The following ADAM10 variants were observed in gnomAD, a reference collection of about 807,000 sequenced individuals.
ADAM10 encodes ADAM metallopeptidase domain 10, also known as disintegrin and metalloproteinase domain-containing protein 10.
In ADAM10, 17 loss-of-function variants were observed where a neutral mutation model predicts 90.1. That is an observed-to-expected ratio of 0.19 (90% CI 0.13 to 0.28). The LOEUF (loss-of-function observed/expected upper bound fraction) is 0.28. Among genes scored for constraint, ADAM10 ranks in the 10% least tolerant of loss-of-function variants. The pLI is 1.00. For missense variants in ADAM10, 610 were observed against 914.3 expected (o/e 0.67, Z 4.29); for synonymous variants, 310 against 298.6 (o/e 1.04, Z -0.40).
At chr15:58,722,399 A>G (rs1380273036) in intron 1 of ADAM10, among the ~76,000 whole-genome samples, 1 of 151,724 alleles carries the variant, frequency 6.6e-6, no homozygotes, top group Non-Finnish European at 1.5e-5. Flanking sequence ...ACTAGCCAGG[A>G]ATGATGGCAT....
At chr15:58,658,451 C>A (rs1896885661) in intron 5 of ADAM10, among the ~76,000 whole-genome samples, 2 of 152,050 alleles carry the variant, frequency 1.3e-5, no homozygotes, top group African/African-American at 4.8e-5. Flanking sequence ...CATCCTTGTT[C>A]TTTTTTGAAA....
Position 58,640,857 on chromosome 15 carries a change from T to C in ADAM10, c.932A>G (p.Asp311Gly). 1.9e-6 allele frequency: 3 copies of C among 1,614,148 alleles called. No homozygotes were observed. The highest frequency in any genetic ancestry group is 2.5e-6 in the Non-Finnish European group (3 of 1,180,004). ...TGTGAAGACATAGGCCAAACAGTAGTCATCATGATTCTGCTCAGAATTCAA... is the reference window on the plus strand; with the variant it reads ...TGTGAAGACATAGGCCAAACAGTAGCCATCATGATTCTGCTCAGAATTCAA... ...LELNSEQNHD[D>G]YCLAYVFTDR... The change falls in exon 8 of 16, where the codon GAC (aspartate) becomes GGC (glycine). Residue 311 changes from aspartate (D) to glycine (G), a missense_variant. This residue lies in a region of ADAM10 where 97 missense variants were observed against 221.4 expected (regional missense o/e 0.44). Transcript: ENST00000260408.
chr15:58,621,756 C>A (rs866406683), intron 10 of ADAM10, 135 bp from the exon 11 acceptor site: 2 of 1,125,748 alleles, frequency 1.8e-6, no homozygotes, highest in Middle Eastern at 4.5e-4. Context: ...AACTAGGAAT[C>A]TGGAAATTAC....
intron 14 of ADAM10, among the ~76,000 whole-genome samples, chr15:58,601,936 C>G (rs191066052): frequency 6.6e-6 from 1 of 152,202 alleles, no homozygotes; most frequent in Admixed American, 6.5e-5. Flanking sequence ...TGCATCCTAT[C>G]AAGTAACACG....
intron 1 of ADAM10, among the ~76,000 whole-genome samples, chr15:58,729,319 T>C (rs1318244528): frequency 6.6e-6 from 1 of 152,256 alleles, no homozygotes; most frequent in Non-Finnish European, 1.5e-5. Context: ...TAAGTCTTTA[T>C]CCAATTAAAT....
intron 15 of ADAM10, among the ~76,000 whole-genome samples, chr15:58,598,439 T>C (rs562044215): frequency 3.9e-4 from 60 of 152,266 alleles, no homozygotes; most frequent in African/African-American, 1.4e-3. Flanking sequence ...TTCCTCTAAC[T>C]CTCACTAAGA....
chr15:58,722,466 T>C (rs575499611), intron 1 of ADAM10, among the ~76,000 whole-genome samples: 14 of 149,690 alleles, frequency 9.4e-5, no homozygotes, highest in African/African-American at 3.4e-4. Context: ...ATCCCAAGAG[T>C]TCAAGGCCAC....
intron 2 of ADAM10, among the ~76,000 whole-genome samples, chr15:58,689,733 C>A (rs184659209): frequency 2.0e-5 from 3 of 151,786 alleles, no homozygotes; most frequent in Non-Finnish European, 2.9e-5. Flanking sequence ...TTAAAAGGTA[C>A]AAATTATGAA....
chr15:58,747,265 A>T (rs940399107), intron 1 of ADAM10: 4 of 152,232 alleles, frequency 2.6e-5, no homozygotes, highest in African/African-American at 9.6e-5. Flanking sequence ...GATTCTAAAC[A>T]CTTTAATTAT....
intron 2 of ADAM10, among the ~76,000 whole-genome samples, chr15:58,700,971 C>T (rs35633355): frequency 1.6e-4 from 23 of 143,110 alleles, no homozygotes; most frequent in Non-Finnish European, 3.0e-4. Flanking sequence ...TGCCACTGCA[C>T]TCCAACCTGG....
chr15:58,683,774 T>C (rs1238282811), intron 2 of ADAM10, among the ~76,000 whole-genome samples: 1 of 146,550 alleles, frequency 6.8e-6, no homozygotes, highest in Non-Finnish European at 1.5e-5. Flanking sequence ...GTAAGAGAAC[T>C]GCTTGAATCT....
At chr15:58,636,068 G>A (rs1896241782) in intron 8 of ADAM10, among the ~76,000 whole-genome samples, 1 of 152,160 alleles carries the variant, frequency 6.6e-6, no homozygotes, top group South Asian at 2.1e-4. Context: ...CCTGAGATCA[G>A]GAGTTGGAGA....
rs202043306 is a variant in ADAM10 at position 58,596,466 on chromosome 15, T to C, written c.*1081A>G. The C allele has an allele frequency of 6.6e-6, 1 of 152,648 alleles. No homozygotes were observed. The highest frequency in any genetic ancestry group is 2.4e-5 in the African/African-American group (1 of 41,464). The allele number at this position is 152,648 out of a possible 1,614,324, so 9.5% of individuals were successfully genotyped here. A position where few individuals can be genotyped will look rare whatever the true frequency, so the allele number is the denominator to read the frequency against. The stretch of plus-strand genomic sequence containing the variant: ...CTACTACTTAAGCAAATTACTCATC[T>C]TTAGTGGTTACCAATGATCAGTGAT... On this transcript the variant is annotated 3_prime_UTR_variant, in exon 16 of 16. Coordinates refer to ENST00000260408, the MANE Select transcript of ADAM10 (RefSeq NM_001110.4).
intron 2 of ADAM10, among the ~76,000 whole-genome samples, chr15:58,702,081 G>C (rs1282913213): frequency 1.3e-5 from 2 of 152,050 alleles, no homozygotes; most frequent in Non-Finnish European, 2.9e-5. Flanking sequence ...ACTCCAGACT[G>C]GGCAACAGAG....
At chr15:58,625,465 C>T (rs1475495469) in intron 10 of ADAM10, among the ~76,000 whole-genome samples, 3 of 152,104 alleles carry the variant, frequency 2.0e-5, no homozygotes, top group Non-Finnish European at 2.9e-5. Context: ...TATCACAGCA[C>T]GCCCATCAGA....
intron 1 of ADAM10, among the ~76,000 whole-genome samples, chr15:58,728,624 G>A (rs974694925): frequency 6.6e-6 from 1 of 151,852 alleles, no homozygotes; most frequent in Non-Finnish European, 1.5e-5. Context: ...CAGCAAAGTG[G>A]TAGGTATATG....
At chr15:58,601,895 G>C (rs1477020164) in intron 14 of ADAM10, among the ~76,000 whole-genome samples, 1 of 152,068 alleles carries the variant, frequency 6.6e-6, no homozygotes, top group African/African-American at 2.4e-5. Flanking sequence ...ACACATCTTT[G>C]GTAAGAATAT....
chr15:58,646,281 TA>T (rs1383839952), intron 5 of ADAM10, 77 bp from the exon 6 acceptor site: 1 of 1,413,008 alleles, frequency 7.1e-7, no homozygotes, highest in African/African-American at 1.4e-5. Flanking sequence ...ATACATACTA[TA>T]AACAATTTCA....
intron 2 of ADAM10, among the ~76,000 whole-genome samples, chr15:58,710,072 G>A (rs959730111): frequency 6.6e-6 from 1 of 152,102 alleles, no homozygotes; most frequent in Non-Finnish European, 1.5e-5. Context: ...CATGTTAGGA[G>A]ATCGAGACCA....
Sources: gnomAD v4.1 joint callset for allele counts (sites outside exome capture counted in the v4.1 genomes callset) on GRCh38, gnomAD v4.1.1 for gene constraint, gnomAD v4.1.1 regional missense constraint, MANE v1.5 for transcripts, NCBI Gene and HGNC (gene_info 2026-07-23, HGNC 2026-07-21) for gene names.